LRRTM4: variants seen among roughly 807,000 people sequenced by gnomAD.
LRRTM4 encodes the protein leucine-rich repeat transmembrane neuronal protein 4.
Under a neutral mutation model 47.6 loss-of-function variants are expected in LRRTM4, and 25 were observed. The observed-to-expected ratio is 0.53, with a 90% CI of 0.38 to 0.73. The LOEUF is 0.73. Among genes scored for constraint, LRRTM4 ranks in the 30% least tolerant of loss-of-function variants. The probability of loss-of-function intolerance (pLI) is 0.00; values close to 1 mark genes in which losing one functional copy is unlikely to be tolerated. For synonymous variants in LRRTM4, 311 were observed against 269.5 expected (o/e 1.15, Z -1.51); for missense variants, 638 against 713.4 (o/e 0.89, Z 1.20).
intron 3 of LRRTM4, among the ~76,000 whole-genome samples, chr2:77,239,474 C>A (rs934180911): frequency 2.6e-5 from 4 of 151,822 alleles, no homozygotes; most frequent in Non-Finnish European, 5.9e-5. Context: ...CTAAACACTA[C>A]AATTAAGAAA....
At chr2:77,288,233 AT>A (rs1445671022) in intron 3 of LRRTM4, among the ~76,000 whole-genome samples, 1 of 151,764 alleles carries the variant, frequency 6.6e-6, no homozygotes, top group Non-Finnish European at 1.5e-5. Context: ...ATAAAATAAT[AT>A]ATTTATAAGA....
chr2:77,156,883 T>TA (rs1179710488), intron 3 of LRRTM4, among the ~76,000 whole-genome samples: 1 of 152,082 alleles, frequency 6.6e-6, no homozygotes, highest in East Asian at 1.9e-4. Flanking sequence ...AACTTCTTAC[T>TA]AAAGCTTTTA....
chr2:76,947,158 G>A (rs367880053), intron 3 of LRRTM4, among the ~76,000 whole-genome samples: 1 of 151,780 alleles, frequency 6.6e-6, no homozygotes, highest in African/African-American at 2.4e-5. Flanking sequence ...TCAACAGAAG[G>A]AATAATGGAG....
At chr2:77,077,029 T>C (rs1243970702) in intron 3 of LRRTM4, among the ~76,000 whole-genome samples, 1 of 152,142 alleles carries the variant, frequency 6.6e-6, no homozygotes, top group Non-Finnish European at 1.5e-5. Flanking sequence ...ATCCATTCCC[T>C]TCCCCAACAG....
intron 3 of LRRTM4, among the ~76,000 whole-genome samples, chr2:77,455,800 T>C (rs1002270823): frequency 1.3e-5 from 2 of 152,140 alleles, no homozygotes; most frequent in Non-Finnish European, 2.9e-5. Flanking sequence ...AGATGTATCC[T>C]GTTTTTATTG....
chr2:77,339,416 C>G (rs923896024), intron 3 of LRRTM4, among the ~76,000 whole-genome samples: 1 of 151,748 alleles, frequency 6.6e-6, no homozygotes, highest in Non-Finnish European at 1.5e-5. Context: ...CTTTTCTCCC[C>G]TTTAATTCTA....
At chr2:77,345,582 A>T (rs72809179) in intron 3 of LRRTM4, among the ~76,000 whole-genome samples, 1 of 152,052 alleles carries the variant, frequency 6.6e-6, no homozygotes, top group Non-Finnish European at 1.5e-5. Context: ...GGATAATGCA[A>T]ACTAAAACTA....
intron 3 of LRRTM4, among the ~76,000 whole-genome samples, chr2:76,953,012 A>C (rs1306337364): frequency 6.6e-6 from 1 of 151,954 alleles, no homozygotes. Context: ...GGAGCAATAG[A>C]CATTAGAGAC....
chr2:76,750,530 G>A (rs977799309), intron 3 of LRRTM4, among the ~76,000 whole-genome samples: 3 of 152,056 alleles, frequency 2.0e-5, no homozygotes, highest in Admixed American at 6.5e-5. Context: ...TCAGTCTCCC[G>A]ACTGGACTAT....
At chr2:77,039,169 T>C (rs1344951959) in intron 3 of LRRTM4, among the ~76,000 whole-genome samples, 3 of 151,338 alleles carry the variant, frequency 2.0e-5, no homozygotes, top group African/African-American at 7.3e-5. Flanking sequence ...TTTTAACAGA[T>C]CTGTCATCTT....
chr2:76,763,304 T>G (rs994854896), intron 3 of LRRTM4, among the ~76,000 whole-genome samples: 1 of 152,220 alleles, frequency 6.6e-6, no homozygotes. Context: ...GTGGTTGTAT[T>G]TGGCAATGGG....
At chr2:76,863,528 G>A (rs1291103265) in intron 3 of LRRTM4, among the ~76,000 whole-genome samples, 7 of 152,124 alleles carry the variant, frequency 4.6e-5, no homozygotes, top group Admixed American at 3.3e-4. Flanking sequence ...CACATAGCTA[G>A]TGTAGTAGGT....
At chr2:77,260,199 G>A (rs560634360) in intron 3 of LRRTM4, among the ~76,000 whole-genome samples, 14 of 152,172 alleles carry the variant, frequency 9.2e-5, no homozygotes, top group African/African-American at 3.4e-4. Flanking sequence ...ATGTGGGCAA[G>A]GCACAGCTTA....
At chr2:77,371,633 CT>C (rs1280686517) in intron 3 of LRRTM4, among the ~76,000 whole-genome samples, 3 of 151,586 alleles carry the variant, frequency 2.0e-5, no homozygotes, top group African/African-American at 7.3e-5. Flanking sequence ...CTAAGCCATG[CT>C]TTACTCCGGT....
chr2:76,957,347 A>G (rs1675708190), intron 3 of LRRTM4, among the ~76,000 whole-genome samples: 1 of 151,734 alleles, frequency 6.6e-6, no homozygotes, highest in South Asian at 2.1e-4. Flanking sequence ...AACAAAGTGC[A>G]TATAGTTAAC....
At chr2:76,785,038 AAT>A (rs1275185148) in intron 3 of LRRTM4, among the ~76,000 whole-genome samples, 1 of 152,102 alleles carries the variant, frequency 6.6e-6, no homozygotes, top group African/African-American at 2.4e-5. Flanking sequence ...TCACTCTTAT[AAT>A]ATGACTGTAT....
Position 77,065,005 on chromosome 2 carries a change from A to C in LRRTM4, c.1552-316089T>G, listed in dbSNP as rs1679908164. Among the ~76,000 whole-genome samples, 3 of 152,106 alleles carry C rather than the reference A, an allele frequency of 2.0e-5. No homozygotes were observed. In the South Asian group the frequency reaches 6.2e-4, roughly 32 times the overall value. ...CTTTTTAATTAATGTTCATTATAGCACCTATTGAACTCAACTGTGGCTCAT... is the reference window on the plus strand; with the variant it reads ...CTTTTTAATTAATGTTCATTATAGCCCCTATTGAACTCAACTGTGGCTCAT... On this transcript the variant is annotated intron_variant, in intron 3 of 3. Coordinates refer to ENST00000409884, the MANE Select transcript of LRRTM4 (RefSeq NM_001134745.3).
chr2:77,054,714 T>C (rs904384120), intron 3 of LRRTM4, among the ~76,000 whole-genome samples: 1 of 152,208 alleles, frequency 6.6e-6, no homozygotes, highest in African/African-American at 2.4e-5. Flanking sequence ...TCAAGAATCA[T>C]GGTTTATAAA....
intron 3 of LRRTM4, among the ~76,000 whole-genome samples, chr2:77,480,339 A>G (rs1677624922): frequency 6.6e-6 from 1 of 152,234 alleles, no homozygotes; most frequent in Admixed American, 6.5e-5. Flanking sequence ...AGCTGATTCA[A>G]TAGGCATTCA....
Sources: allele counts gnomAD v4.1 joint callset (sites outside exome capture counted in the v4.1 genomes callset), GRCh38; gene constraint gnomAD v4.1.1; transcripts MANE v1.5; gene names NCBI Gene and HGNC (gene_info 2026-07-23, HGNC 2026-07-21).